Variants in FRAS1 observed in about 807,000 individuals in gnomAD.
FRAS1 encodes Fraser extracellular matrix complex subunit 1.
Under a neutral mutation model 435.2 loss-of-function variants are expected in FRAS1, and 290 were observed. That is an observed-to-expected ratio of 0.67 (90% CI 0.61 to 0.73). The LOEUF (loss-of-function observed/expected upper bound fraction) is 0.73, where lower values mean the gene tolerates loss of function less well. Among genes scored for constraint, FRAS1 ranks in the 30% least tolerant of loss-of-function variants. The pLI is 0.00. For synonymous variants in FRAS1, 1,800 were observed against 1,851.0 expected (o/e 0.97, Z 0.71); for missense variants, 4,860 against 5,001.5 (o/e 0.97, Z 0.85).
intron 66 of FRAS1, among the ~76,000 whole-genome samples, chr4:78,517,934 A>G (rs1721259517): frequency 6.6e-6 from 1 of 152,212 alleles, no homozygotes; most frequent in Admixed American, 6.5e-5. Flanking sequence ...GTCCAAATAC[A>G]ATCTGGAAAT....
chr4:78,460,917 T>C (rs1329277598), intron 47 of FRAS1, among the ~76,000 whole-genome samples: 1 of 152,240 alleles, frequency 6.6e-6, no homozygotes, highest in African/African-American at 2.4e-5. Flanking sequence ...GTATAGATTA[T>C]AGTGGATAAT....
chr4:78,493,615 T>C (rs970179661), intron 59 of FRAS1, among the ~76,000 whole-genome samples: 2 of 151,468 alleles, frequency 1.3e-5, no homozygotes, highest in African/African-American at 4.9e-5. Flanking sequence ...TGAGAACACA[T>C]GGACCCAGGG....
At chr4:78,275,091 A>G (rs1726926793) in intron 9 of FRAS1, among the ~76,000 whole-genome samples, 1 of 151,386 alleles carries the variant, frequency 6.6e-6, no homozygotes, top group Admixed American at 6.6e-5. Context: ...TCTCTTTTTA[A>G]TCTTTCTTGG....
At position 78,275,058 on chromosome 4, in the gene FRAS1, C is replaced by T. The variant is rs186157524; in HGVS notation, c.982-3597C>T. 3.2e-4 allele frequency among the ~76,000 whole-genome samples: 48 copies of T among 152,264 alleles called. 2 individuals are homozygous for T. The East Asian group carries it at 9.2e-3, about 29-fold the overall frequency. On this transcript the variant is annotated intron_variant, in intron 9 of 73. Transcript: ENST00000512123. ...TCTTCTTGTTGAATTGATCCCTTTA[C>T]CATTATGTAATGGCCTTCTTTGTCT...
At chr4:78,102,543 A>C (rs915522154) in intron 2 of FRAS1, among the ~76,000 whole-genome samples, 2 of 152,178 alleles carry the variant, frequency 1.3e-5, no homozygotes, top group Non-Finnish European at 2.9e-5. Context: ...CCAAGTTAAG[A>C]TGACCCTGGC....
chr4:78,308,314 A>G, intron 15 of FRAS1, 105 bp downstream of exon 15: 1 of 1,096,534 alleles, frequency 9.1e-7, no homozygotes, highest in Non-Finnish European at 1.3e-6. Context: ...TTTACTCAAC[A>G]TATATGTGAA....
intron 3 of FRAS1, 28 bp downstream of exon 3, chr4:78,237,645 G>A: frequency 7.4e-7 from 1 of 1,359,136 alleles, no homozygotes; most frequent in Non-Finnish European, 1.0e-6. Context: ...TGTCCTAAAT[G>A]TATTGGTAAA....
chr4:78,185,279 A>G (rs1722223484), intron 2 of FRAS1, among the ~76,000 whole-genome samples: 1 of 152,238 alleles, frequency 6.6e-6, no homozygotes, highest in Non-Finnish European at 1.5e-5. Context: ...AAGTCAACTG[A>G]CTGAAGGGGT....
At chr4:78,528,897 C>T (rs536584836) in intron 70 of FRAS1, among the ~76,000 whole-genome samples, 5 of 152,226 alleles carry the variant, frequency 3.3e-5, no homozygotes, top group South Asian at 2.1e-4. Flanking sequence ...TGAGAGTGCA[C>T]GCGCTCCCTT....
chr4:78,298,673 A>G (rs889474488), intron 14 of FRAS1, among the ~76,000 whole-genome samples: 2 of 152,228 alleles, frequency 1.3e-5, no homozygotes, highest in East Asian at 1.9e-4. Context: ...ATATCTTAAG[A>G]CTATGACCTA....
chr4:78,093,429 G>A (rs1741634066), intron 2 of FRAS1, among the ~76,000 whole-genome samples: 1 of 152,108 alleles, frequency 6.6e-6, no homozygotes, highest in Non-Finnish European at 1.5e-5. Flanking sequence ...TGCTTACATT[G>A]AAAAAGAAAA....
At chr4:78,386,691 G>C (rs1732229547) in intron 28 of FRAS1, among the ~76,000 whole-genome samples, 1 of 151,886 alleles carries the variant, frequency 6.6e-6, no homozygotes, top group Admixed American at 6.6e-5. Flanking sequence ...TTTCTGTTGT[G>C]GTTCATTAGC....
chr4:78,514,309 C>T (rs1721139780), intron 65 of FRAS1, among the ~76,000 whole-genome samples: 1 of 152,244 alleles, frequency 6.6e-6, no homozygotes. Context: ...CAGCGCATCT[C>T]TGTGTTCACC....
chr4:78,301,279 A>AGG (rs913524425), intron 14 of FRAS1, among the ~76,000 whole-genome samples: 2 of 152,170 alleles, frequency 1.3e-5, no homozygotes, highest in African/African-American at 2.4e-5. Flanking sequence ...AAGCATAGGT[A>AGG]GGGGTTAGCC....
At chr4:78,180,871 C>T in intron 2 of FRAS1, 1 of 1,592,684 alleles carries the variant, frequency 6.3e-7, no homozygotes, top group Non-Finnish European at 8.6e-7. Flanking sequence ...TCCAGTTAAG[C>T]CAGAACTGGG....
intron 61 of FRAS1, among the ~76,000 whole-genome samples, chr4:78,500,607 C>T (rs758846717): frequency 6.6e-6 from 1 of 152,116 alleles, no homozygotes; most frequent in African/African-American, 2.4e-5. Flanking sequence ...CAGAGGAGGG[C>T]AACAGTGCTA....
Position 78,400,816 on chromosome 4 carries a change from T to TA in FRAS1, c.4059dup (p.Gln1354ThrfsTer10), listed in dbSNP as rs1251228304. Reference sequence around the variant, plus strand: ...ATGCTGCAGATCACCAACAGAATCTTACAGGCCGAGGCTCCTGGTGCCAGT... The same window carrying TA: ...ATGCTGCAGATCACCAACAGAATCTTAACAGGCCGAGGCTCCTGGTGCCAGT... On this transcript the variant is annotated frameshift_variant, in exon 30 of 74. Coordinates refer to ENST00000512123, the MANE Select transcript of FRAS1 (RefSeq NM_025074.7). LOFTEE classifies it high-confidence loss of function. 6.2e-7 allele frequency: 1 copy of TA among 1,613,778 alleles called. No homozygotes were observed. The highest frequency in any genetic ancestry group is 8.5e-7 in the Non-Finnish European group (1 of 1,179,788).
intron 2 of FRAS1, among the ~76,000 whole-genome samples, chr4:78,168,302 C>A (rs2110033484): frequency 6.6e-6 from 1 of 152,208 alleles, no homozygotes; most frequent in East Asian, 1.9e-4. Flanking sequence ...CTTACTCAGA[C>A]CAAGACAATG....
chr4:78,173,495 C>A (rs1445306073), intron 2 of FRAS1, among the ~76,000 whole-genome samples: 1 of 152,202 alleles, frequency 6.6e-6, no homozygotes, highest in Non-Finnish European at 1.5e-5. Flanking sequence ...TCACTTGCAT[C>A]TCCTCCCTCT....
Sources: allele counts gnomAD v4.1 joint callset (sites outside exome capture counted in the v4.1 genomes callset), GRCh38; gene constraint gnomAD v4.1.1; transcripts MANE v1.5; gene names NCBI Gene and HGNC (gene_info 2026-07-23, HGNC 2026-07-21).